The following SLIT3 variants were observed in gnomAD, a reference collection of about 807,000 sequenced individuals.
SLIT3 encodes slit homolog 3 protein.
SLIT3 carries 68 observed loss-of-function variants against 184.0 expected under a neutral mutation model. The ratio of observed to expected loss-of-function variants is 0.37; its 90% confidence interval spans 0.30 to 0.45. The LOEUF (loss-of-function observed/expected upper bound fraction) is 0.45. Ranked by LOEUF, SLIT3 falls within the 20% of genes least tolerant of loss-of-function variation. SLIT3 has a pLI of 1.00. For missense variants in SLIT3, 1,707 were observed against 2,026.0 expected (o/e 0.84, Z 3.02); for synonymous variants, 831 against 828.6 (o/e 1.00, Z -0.05).
At chr5:169,284,924 T>C (rs989526607) in intron 1 of SLIT3, among the ~76,000 whole-genome samples, 6 of 152,242 alleles carry the variant, frequency 3.9e-5, no homozygotes, top group Middle Eastern at 3.4e-3. Context: ...ATTTTTTTTT[T>C]CTTGGAGACA....
intron 4 of SLIT3, among the ~76,000 whole-genome samples, chr5:168,910,902 G>C (rs865785955): frequency 1.3e-5 from 2 of 152,124 alleles, no homozygotes; most frequent in African/African-American, 4.8e-5. Flanking sequence ...AGGGCAACTA[G>C]AGCCCCCATC....
intron 4 of SLIT3, among the ~76,000 whole-genome samples, chr5:168,966,234 T>C (rs1282671328): frequency 6.6e-6 from 1 of 152,212 alleles, no homozygotes; most frequent in Non-Finnish European, 1.5e-5. Flanking sequence ...CTCGATCTTA[T>C]CTGTGCCATG....
intron 3 of SLIT3, among the ~76,000 whole-genome samples, chr5:169,222,621 T>G (rs1235211050): frequency 1.3e-5 from 2 of 152,184 alleles, no homozygotes; most frequent in African/African-American, 2.4e-5. Flanking sequence ...AGTTTTTGGT[T>G]CAAGTAGAAG....
intron 3 of SLIT3, among the ~76,000 whole-genome samples, chr5:169,237,519 ACT>A (rs1765244661): frequency 6.6e-6 from 1 of 152,174 alleles, no homozygotes; most frequent in African/African-American, 2.4e-5. Context: ...ATTTTGTATT[ACT>A]GTCAGCAATG....
At chr5:168,880,502 T>C (rs1322136028) in intron 5 of SLIT3, among the ~76,000 whole-genome samples, 1 of 152,240 alleles carries the variant, frequency 6.6e-6, no homozygotes, top group Non-Finnish European at 1.5e-5. Context: ...CTAACCACCA[T>C]TCAGGCCCAG....
chr5:168,969,783 A>T (rs1051659808), intron 4 of SLIT3, among the ~76,000 whole-genome samples: 1 of 152,188 alleles, frequency 6.6e-6, no homozygotes, highest in Non-Finnish European at 1.5e-5. Context: ...GGAAGGGAAC[A>T]CTTGGCTCAG....
intron 4 of SLIT3, among the ~76,000 whole-genome samples, chr5:168,957,173 G>A (rs1762853589): frequency 6.7e-6 from 1 of 149,468 alleles, no homozygotes; most frequent in Non-Finnish European, 1.5e-5. Flanking sequence ...AGGTTGCAGT[G>A]ACCTGAGATG....
chr5:169,002,322 C>CAAAAAAAAAAAAAAAAAAAAAAAAAA lies in SLIT3; in HGVS notation c.414-119012_414-118987dup, dbSNP rs397999882. On this transcript the variant is annotated intron_variant, in intron 4 of 35. Coordinates refer to ENST00000519560, the MANE Select transcript of SLIT3 (RefSeq NM_003062.4). ...TGAGCAACAGAACGAGACTCTGTCTCAAAAAAAAAAAAAAAAAAAAAAAAA... is the reference window on the plus strand; with the variant it reads ...TGAGCAACAGAACGAGACTCTGTCTCAAAAAAAAAAAAAAAAAAAAAAAAAAAAAAAAAAAAAAAAAAAAAAAAAAA... Among the ~76,000 whole-genome samples, 10 of 24,202 alleles carry CAAAAAAAAAAAAAAAAAAAAAAAAAA rather than the reference C, an allele frequency of 4.1e-4. 1 individual carries two copies. The highest frequency in any genetic ancestry group is 9.9e-4 in the African/African-American group (7 of 7,082). 15.9% of individuals were successfully genotyped at this position (24,202 alleles called of 152,430 possible).
chr5:168,952,528 C>CAA (rs372134778), intron 4 of SLIT3, among the ~76,000 whole-genome samples: 150 of 77,886 alleles, frequency 1.9e-3, no homozygotes, highest in African/African-American at 5.1e-3. Context: ...GGGAAAATGC[C>CAA]AAAAAAAAAA....
chr5:168,747,817 G>T (rs1338767235), intron 20 of SLIT3, among the ~76,000 whole-genome samples: 1 of 152,096 alleles, frequency 6.6e-6, no homozygotes, highest in African/African-American at 2.4e-5. Flanking sequence ...GTAAAATGGG[G>T]CCGCATGCTT....
At chr5:168,786,615 C>T (rs1393339023) in intron 11 of SLIT3, among the ~76,000 whole-genome samples, 1 of 149,944 alleles carries the variant, frequency 6.7e-6, no homozygotes, top group East Asian at 1.9e-4. Context: ...GAACTCAGAA[C>T]CCTTTTACCC....
intron 25 of SLIT3, 173 bp from the exon 26 acceptor site, chr5:168,708,273 T>C: frequency 5.3e-6 from 4 of 752,798 alleles, no homozygotes; most frequent in South Asian, 1.8e-5. Flanking sequence ...TAGAGTCCCA[T>C]TAATTCAGCC....
chr5:168,675,502 AAAGGGGGATAAT>A (rs1761377841), intron 32 of SLIT3, among the ~76,000 whole-genome samples: 1 of 152,182 alleles, frequency 6.6e-6, no homozygotes. Flanking sequence ...CTCATCTGTA[AAAGGGGGATAAT>A]AACCTCACAG....
At chr5:168,856,811 G>GCGCGCGCA (rs1412717774) in intron 5 of SLIT3, among the ~76,000 whole-genome samples, 3 of 151,298 alleles carry the variant, frequency 2.0e-5, no homozygotes, top group Non-Finnish European at 4.4e-5. Context: ...GTGTGTGCGC[G>GCGCGCGCA]CGCGCGCACG....
intron 4 of SLIT3, chr5:169,022,663 A>T (rs987918002): frequency 1.3e-5 from 2 of 152,198 alleles, no homozygotes; most frequent in African/African-American, 4.8e-5. Flanking sequence ...CACACCTAAA[A>T]GCATCTTACT....
chr5:168,844,699 C>T (rs768905743), intron 5 of SLIT3, 44 bp from the exon 6 acceptor site: 6 of 1,592,722 alleles, frequency 3.8e-6, no homozygotes, highest in African/African-American at 1.3e-5. Context: ...GCGGGGGCAG[C>T]GTGAGGGGCC....
intron 2 of SLIT3, among the ~76,000 whole-genome samples, chr5:169,245,491 G>C (rs1331067118): frequency 6.6e-6 from 1 of 152,190 alleles, no homozygotes; most frequent in African/African-American, 2.4e-5. Context: ...CCGCTTAAAT[G>C]GATGAGCTGA....
At chr5:169,201,135 T>C (rs534304061) in intron 3 of SLIT3, among the ~76,000 whole-genome samples, 8 of 152,344 alleles carry the variant, frequency 5.3e-5, no homozygotes, top group African/African-American at 1.9e-4. Flanking sequence ...TCTTCCATGG[T>C]ATTCAGTATT....
chr5:168,737,036 C>T (rs926755578), intron 20 of SLIT3, among the ~76,000 whole-genome samples: 1 of 152,184 alleles, frequency 6.6e-6, no homozygotes, highest in African/African-American at 2.4e-5. Context: ...ACAGTAAATG[C>T]TCTAGAAATG....
Sources: gnomAD v4.1 joint callset for allele counts (sites outside exome capture counted in the v4.1 genomes callset) on GRCh38, gnomAD v4.1.1 for gene constraint, MANE v1.5 for transcripts, NCBI Gene and HGNC (gene_info 2026-07-23, HGNC 2026-07-21) for gene names.